The following MAGI2 variants were observed in gnomAD, a reference collection of about 807,000 sequenced individuals.
The protein encoded by MAGI2 is membrane-associated guanylate kinase, WW and PDZ domain-containing protein 2.
In MAGI2, 35 loss-of-function variants were observed where a neutral mutation model predicts 133.3. The observed-to-expected ratio is 0.26, with a 90% confidence interval of 0.20 to 0.35. The LOEUF (loss-of-function observed/expected upper bound fraction) is 0.35. Ranked by LOEUF, MAGI2 falls within the 10% of genes least tolerant of loss-of-function variation. The pLI, the probability that MAGI2 is intolerant of heterozygous loss-of-function variation, is 1.00. For synonymous variants in MAGI2, 729 were observed against 710.6 expected, an observed-to-expected ratio of 1.03 and a Z score of -0.41; for missense variants, 1,636 against 1,863.4, an observed-to-expected ratio of 0.88 and a Z score of 2.25.
rs1477072886 is a variant in MAGI2, at chr7:78,526,102, C to T, written c.539-4457G>A. 3.9e-5 allele frequency among the ~76,000 whole-genome samples: 6 copies of T among 152,116 alleles called. No homozygotes were observed. The East Asian group carries it at 5.8e-4, about 15-fold the overall frequency. ...CTATTTCCTAATATTATATATAAAG[C>T]GAGTGGAAAACTTATATCTCTTTGA... On this transcript the variant is annotated intron_variant, in intron 3 of 21. Coordinates refer to ENST00000354212, the MANE Select transcript of MAGI2 (RefSeq NM_012301.4).
chr7:78,150,898 A>G (rs1359811853), intron 16 of MAGI2, among the ~76,000 whole-genome samples: 6 of 152,130 alleles, frequency 3.9e-5, no homozygotes, highest in Admixed American at 3.9e-4. Context: ...GAGGATAAAT[A>G]AGAATGATGG....
At chr7:78,714,299 CA>C (rs1819495657) in intron 2 of MAGI2, among the ~76,000 whole-genome samples, 1 of 152,066 alleles carries the variant, frequency 6.6e-6, no homozygotes, top group South Asian at 2.1e-4. Flanking sequence ...TTTTAATATC[CA>C]ATTCTGCTTT....
At chr7:78,501,517 C>A in intron 5 of MAGI2, 60 bp downstream of exon 5, 21 of 1,162,792 alleles carry the variant, frequency 1.8e-5, no homozygotes, top group African/African-American at 3.2e-5. Flanking sequence ...TAACTTGCTA[C>A]ATCATTTATA....
At chr7:78,644,566 G>A (rs1407637816) in intron 2 of MAGI2, among the ~76,000 whole-genome samples, 1 of 151,930 alleles carries the variant, frequency 6.6e-6, no homozygotes, top group Non-Finnish European at 1.5e-5. Context: ...CATGTGTCAA[G>A]GAAGAAATAA....
chr7:78,668,307 G>A (rs1813887619), intron 2 of MAGI2, among the ~76,000 whole-genome samples: 1 of 151,362 alleles, frequency 6.6e-6, no homozygotes, highest in Non-Finnish European at 1.5e-5. Context: ...TCTGTCAGAT[G>A]AGTAGGTTGT....
At chr7:79,004,162 T>C (rs2116490844) in intron 2 of MAGI2, among the ~76,000 whole-genome samples, 1 of 152,318 alleles carries the variant, frequency 6.6e-6, no homozygotes, top group East Asian at 1.9e-4. Context: ...TACTCATATG[T>C]TGATTGCAGC....
At chr7:79,424,864 A>T (rs969717861) in intron 1 of MAGI2, among the ~76,000 whole-genome samples, 1 of 152,168 alleles carries the variant, frequency 6.6e-6, no homozygotes, top group African/African-American at 2.4e-5. Flanking sequence ...TAATTATATT[A>T]TACCTGTATA....
intron 1 of MAGI2, among the ~76,000 whole-genome samples, chr7:79,231,863 T>C (rs529370786): frequency 1.3e-5 from 2 of 152,072 alleles, no homozygotes; most frequent in East Asian, 3.9e-4. Flanking sequence ...GGCATCCCTG[T>C]CTTGTGCCAG....
chr7:78,361,974 G>T (rs1000488470), intron 7 of MAGI2, among the ~76,000 whole-genome samples: 2 of 152,134 alleles, frequency 1.3e-5, no homozygotes, highest in Non-Finnish European at 2.9e-5. Flanking sequence ...CTGGACGGGA[G>T]ACTTCTTTTC....
chr7:79,280,142 G>A (rs1465143501), intron 1 of MAGI2, among the ~76,000 whole-genome samples: 3 of 152,138 alleles, frequency 2.0e-5, no homozygotes, highest in African/African-American at 7.2e-5. Context: ...CTTGGTCTCT[G>A]TGTTAAAAGC....
intron 2 of MAGI2, among the ~76,000 whole-genome samples, chr7:78,748,114 A>G (rs1191757594): frequency 6.6e-6 from 1 of 151,936 alleles, no homozygotes; most frequent in African/African-American, 2.4e-5. Context: ...CCACTGAGTA[A>G]GCCCAGGTTT....
chr7:79,043,233 A>G (rs2116923038), intron 1 of MAGI2, among the ~76,000 whole-genome samples: 1 of 152,212 alleles, frequency 6.6e-6, no homozygotes, highest in East Asian at 1.9e-4. Flanking sequence ...AACCAAAGTC[A>G]GAGCTGAACT....
At chr7:78,596,697 G>C (rs919828981) in intron 3 of MAGI2, among the ~76,000 whole-genome samples, 1 of 151,956 alleles carries the variant, frequency 6.6e-6, no homozygotes, top group Non-Finnish European at 1.5e-5. Flanking sequence ...ATGCCTTTTG[G>C]GAAGTTCTTA....
intron 12 of MAGI2, 79 bp downstream of exon 12, chr7:78,194,795 A>G: frequency 2.5e-6 from 3 of 1,195,534 alleles, no homozygotes; most frequent in Non-Finnish European, 3.4e-6. Context: ...ACCATGCCAG[A>G]TCATTCAGCC....
Position 79,373,852 on chromosome 7 carries a change from C to T in MAGI2, c.301+79168G>A, listed in dbSNP as rs375903098. 1.1e-4 allele frequency among the ~76,000 whole-genome samples: 16 copies of T among 152,022 alleles called. 2 individuals carry two copies. Among genetic ancestry groups the T allele is most frequent in the South Asian group, 4.1e-4 (2 of 4,830 alleles). ...AATTGACTATGACCTAAAAATTCTA[C>T]TCCTTGAAGAAGTTTGTTGTGCTGT... On this transcript the variant is annotated intron_variant, in intron 1 of 21. Coordinates refer to ENST00000354212, the MANE Select transcript of MAGI2 (RefSeq NM_012301.4).
intron 16 of MAGI2, among the ~76,000 whole-genome samples, chr7:78,140,401 T>A (rs1467838532): frequency 6.6e-6 from 1 of 152,216 alleles, no homozygotes; most frequent in Non-Finnish European, 1.5e-5. Context: ...AAAGTGGAGT[T>A]ATATGTGGAG....
At chr7:78,031,524 T>A (rs1809566765) in intron 21 of MAGI2, among the ~76,000 whole-genome samples, 1 of 152,216 alleles carries the variant, frequency 6.6e-6, no homozygotes, top group Admixed American at 6.5e-5. Context: ...TGGCTCAAGA[T>A]GAGCCTTAGC....
intron 2 of MAGI2, among the ~76,000 whole-genome samples, chr7:78,793,924 T>A (rs921439030): frequency 2.6e-5 from 4 of 152,200 alleles, no homozygotes; most frequent in African/African-American, 9.6e-5. Flanking sequence ...TCCTGTCTCA[T>A]GTAGGTATTT....
At chr7:79,230,622 CA>C (rs1831282718) in intron 1 of MAGI2, among the ~76,000 whole-genome samples, 4 of 150,000 alleles carry the variant, frequency 2.7e-5, no homozygotes, top group African/African-American at 7.3e-5. Flanking sequence ...GTCCTTCGCC[CA>C]CTTTTTGATG....
Sources: gnomAD v4.1 joint callset for allele counts (sites outside exome capture counted in the v4.1 genomes callset) on GRCh38, gnomAD v4.1.1 for gene constraint, MANE v1.5 for transcripts, NCBI Gene and HGNC (gene_info 2026-07-23, HGNC 2026-07-21) for gene names.